The following MARCHF1 variants were observed in gnomAD, a reference collection of about 807,000 sequenced individuals.
MARCHF1 encodes E3 ubiquitin-protein ligase MARCHF1.
A neutral mutation model predicts 54.2 loss-of-function variants in MARCHF1; 40 were observed. The observed-to-expected ratio is 0.74, with a 90% CI of 0.57 to 0.96. The LOEUF (loss-of-function observed/expected upper bound fraction) is 0.96, where lower values mean the gene tolerates loss of function less well. Ranked by LOEUF, MARCHF1 falls within the 40% of genes least tolerant of loss-of-function variation. The pLI, the probability that MARCHF1 is intolerant of heterozygous loss-of-function variation, is 0.00. For synonymous variants in MARCHF1, 236 were observed against 236.3 expected, an observed-to-expected ratio of 1.00 and a Z score of 0.01; for missense variants, 586 against 656.5, an observed-to-expected ratio of 0.89 and a Z score of 1.17.
At chr4:163,768,210 G>A (rs1301382849) in intron 4 of MARCHF1, among the ~76,000 whole-genome samples, 4 of 152,144 alleles carry the variant, frequency 2.6e-5, no homozygotes, top group Non-Finnish European at 2.9e-5. Flanking sequence ...CTGCCTTGAA[G>A]CATTTAGCTT....
intron 7 of MARCHF1, among the ~76,000 whole-genome samples, chr4:163,610,512 T>TTACC (rs2110922087): frequency 6.6e-6 from 1 of 152,200 alleles, no homozygotes; most frequent in Non-Finnish European, 1.5e-5. Context: ...TTCTCTCCAA[T>TTACC]TACCATTTAG....
rs1560977880 is a variant in MARCHF1, at chr4:164,259,566, GA to G, written c.-323+124303del. On this transcript the variant is annotated intron_variant, in intron 1 of 9. Coordinates refer to ENST00000514618, the MANE Select transcript of MARCHF1 (RefSeq NM_001394959.1). The stretch of plus-strand genomic sequence containing the variant: ...TCTCAAAAAAAAAAAAAAAAAAAAA[GA>G]AAAAAGAAAAAGAAAAAAGAAAAAA... 5.3e-3 allele frequency among the ~76,000 whole-genome samples: 545 copies of G among 102,974 alleles called. 5 individuals carry two copies. The highest frequency in any genetic ancestry group is 0.021 in the Middle Eastern group (4 of 194). The allele number at this position is 102,974 out of a possible 152,430, so 67.6% of individuals were successfully genotyped here. A position where few individuals can be genotyped will look rare whatever the true frequency, so the allele number is the denominator to read the frequency against.
chr4:163,996,893 T>G (rs1301187067), intron 2 of MARCHF1, among the ~76,000 whole-genome samples: 1 of 151,974 alleles, frequency 6.6e-6, no homozygotes, highest in African/African-American at 2.4e-5. Context: ...GCTTTCAGAG[T>G]GAGCATGGCT....
intron 1 of MARCHF1, among the ~76,000 whole-genome samples, chr4:164,209,198 T>C (rs904931944): frequency 6.6e-6 from 1 of 152,148 alleles, no homozygotes; most frequent in Non-Finnish European, 1.5e-5. Context: ...CATATTAGTT[T>C]CTCTGCTCAA....
At chr4:164,212,838 C>A (rs1262632215) in intron 1 of MARCHF1, among the ~76,000 whole-genome samples, 1 of 152,044 alleles carries the variant, frequency 6.6e-6, no homozygotes. Flanking sequence ...GAGTGAAAAA[C>A]GAGGCCCACC....
intron 1 of MARCHF1, among the ~76,000 whole-genome samples, chr4:164,294,590 G>T (rs1446682340): frequency 6.6e-6 from 1 of 151,816 alleles, no homozygotes; most frequent in Non-Finnish European, 1.5e-5. Context: ...TTTTTCTCCT[G>T]CCTCTATGAA....
At chr4:163,800,387 T>C (rs1329442736) in intron 4 of MARCHF1, among the ~76,000 whole-genome samples, 1 of 151,956 alleles carries the variant, frequency 6.6e-6, no homozygotes, top group East Asian at 1.9e-4. Flanking sequence ...AAGTGGCACA[T>C]GTGTTGTTCT....
rs575405416 is a variant in MARCHF1, at chr4:163,930,946, A to G, written c.-39+57555T>C. Among the ~76,000 whole-genome samples, 23 of 152,250 alleles carry G rather than the reference A, an allele frequency of 1.5e-4. No homozygotes were observed. In the East Asian group the frequency reaches 3.7e-3, roughly 24 times the overall value. ...TAAATTGTGCCATGCCCTCAAATTC[A>G]TATGTGGAAGCCTGAACCCCAAATG... On this transcript the variant is annotated intron_variant, in intron 3 of 9. Transcript: ENST00000514618.
chr4:163,553,618 T>C (rs9631750), intron 8 of MARCHF1, among the ~76,000 whole-genome samples: 12,636 of 152,186 alleles, frequency 0.083, 576 homozygotes, highest in South Asian at 0.12. Context: ...GGAGCAAATA[T>C]CATTATAGGT....
At chr4:163,960,907 G>A (rs1414900671) in intron 3 of MARCHF1, among the ~76,000 whole-genome samples, 1 of 151,548 alleles carries the variant, frequency 6.6e-6, no homozygotes, top group Non-Finnish European at 1.5e-5. Context: ...GGTGCTGTCA[G>A]GGCTGGTTTC....
chr4:164,248,685 G>A (rs577820518), intron 1 of MARCHF1, among the ~76,000 whole-genome samples: 2 of 152,072 alleles, frequency 1.3e-5, no homozygotes, highest in East Asian at 3.9e-4. Context: ...GTGTTCTAGG[G>A]ATAAGTTGTT....
At chr4:164,094,804 A>G (rs1247104182) in intron 2 of MARCHF1, among the ~76,000 whole-genome samples, 1 of 152,170 alleles carries the variant, frequency 6.6e-6, no homozygotes, top group African/African-American at 2.4e-5. Flanking sequence ...CAAAAAATAT[A>G]CCTTCAGTTC....
At chr4:163,559,596 C>G (rs889709541) in intron 8 of MARCHF1, among the ~76,000 whole-genome samples, 2 of 152,178 alleles carry the variant, frequency 1.3e-5, no homozygotes, top group South Asian at 4.1e-4. Flanking sequence ...ATGACAGGAG[C>G]CACCACTGGA....
chr4:163,565,814 G>A (rs1739627115), intron 8 of MARCHF1, among the ~76,000 whole-genome samples: 1 of 152,110 alleles, frequency 6.6e-6, no homozygotes, highest in South Asian at 2.1e-4. Context: ...GCTTCTCTCT[G>A]GGGATTATCA....
chr4:163,872,312 A>G (rs1293530539), intron 3 of MARCHF1, among the ~76,000 whole-genome samples: 1 of 152,024 alleles, frequency 6.6e-6, no homozygotes, highest in Non-Finnish European at 1.5e-5. Flanking sequence ...ACGGAATGCC[A>G]AAGAACACTT....
At chr4:164,016,577 C>G (rs192120848) in intron 2 of MARCHF1, among the ~76,000 whole-genome samples, 1 of 152,030 alleles carries the variant, frequency 6.6e-6, no homozygotes, top group Non-Finnish European at 1.5e-5. Flanking sequence ...AAATATCACA[C>G]GTGTTCACTA....
chr4:164,244,716 C>G (rs1732884742), intron 1 of MARCHF1, among the ~76,000 whole-genome samples: 3 of 150,508 alleles, frequency 2.0e-5, no homozygotes, highest in Non-Finnish European at 1.5e-5. Context: ...GCTAGCAAGA[C>G]AAATAAAGAA....
At chr4:163,750,657 A>G (rs1746496283) in intron 4 of MARCHF1, among the ~76,000 whole-genome samples, 1 of 152,200 alleles carries the variant, frequency 6.6e-6, no homozygotes, top group African/African-American at 2.4e-5. Flanking sequence ...ACTCCTCCAG[A>G]GAATAACAAA....
chr4:163,586,282 C>T (rs1011734859), intron 7 of MARCHF1, among the ~76,000 whole-genome samples: 2 of 152,118 alleles, frequency 1.3e-5, no homozygotes, highest in South Asian at 2.1e-4. Flanking sequence ...GTGTACAAAG[C>T]GTATATGAAA....
Sources: gnomAD v4.1 joint callset for allele counts (sites outside exome capture counted in the v4.1 genomes callset) on GRCh38, gnomAD v4.1.1 for gene constraint, MANE v1.5 for transcripts, NCBI Gene and HGNC (gene_info 2026-07-23, HGNC 2026-07-21) for gene names.